The following HMGA2 variants were observed in gnomAD, a reference collection of about 807,000 sequenced individuals.
HMGA2 encodes the protein high mobility group protein HMGI-C.
A neutral mutation model predicts 19.1 loss-of-function variants in HMGA2; 8 were observed. The observed-to-expected ratio is 0.42, with a 90% CI of 0.25 to 0.76. The LOEUF (loss-of-function observed/expected upper bound fraction) is 0.76, where lower values mean the gene tolerates loss of function less well. Ranked by LOEUF, HMGA2 falls within the 30% of genes least tolerant of loss-of-function variation. The probability of loss-of-function intolerance (pLI) is 0.28; values close to 1 mark genes in which losing one functional copy is unlikely to be tolerated. For missense variants in HMGA2, 109 were observed against 136.3 expected, an observed-to-expected ratio of 0.80 and a Z score of 1.00; for synonymous variants, 60 against 48.8, an observed-to-expected ratio of 1.23 and a Z score of -0.96.
chr12:65,950,235 C>T (rs570971333), intron 3 of HMGA2, among the ~76,000 whole-genome samples: 1 of 152,232 alleles, frequency 6.6e-6, no homozygotes, highest in African/African-American at 2.4e-5. Flanking sequence ...AACATGTTCG[C>T]ACGAAAACGT....
At chr12:65,907,808 C>T (rs910500590) in intron 3 of HMGA2, among the ~76,000 whole-genome samples, 1 of 152,176 alleles carries the variant, frequency 6.6e-6, no homozygotes, top group East Asian at 1.9e-4. Flanking sequence ...GATTAAGCAG[C>T]TGCACTGGAT....
At chr12:65,895,771 T>A (rs1205893161) in intron 3 of HMGA2, among the ~76,000 whole-genome samples, 2 of 152,220 alleles carry the variant, frequency 1.3e-5, no homozygotes, top group Non-Finnish European at 2.9e-5. Flanking sequence ...GTTGTATGCA[T>A]ATTTGGATAA....
At position 65,898,872 on chromosome 12, in the gene HMGA2, G is replaced by A. The variant is rs555693678; in HGVS notation, c.250-52511G>A. On this transcript the variant is annotated intron_variant, in intron 3 of 4. Coordinates refer to ENST00000403681, the MANE Select transcript of HMGA2 (RefSeq NM_003483.6). ...ATCCTGGATAACACAGTGAAACTCC[G>A]TCTCTACTAAAAATACAAAAAATTA... Among the ~76,000 whole-genome samples the A allele has an allele frequency of 2.4e-4, 36 of 151,854 alleles. No individual in the cohort carries two copies. In the South Asian group the frequency reaches 6.3e-3, roughly 26 times the overall value.
intron 3 of HMGA2, among the ~76,000 whole-genome samples, chr12:65,927,858 TA>T (rs1241383042): frequency 6.7e-6 from 1 of 149,880 alleles, no homozygotes; most frequent in African/African-American, 2.4e-5. Context: ...TGTGTATATA[TA>T]TTTTTTATAT....
intron 3 of HMGA2, among the ~76,000 whole-genome samples, chr12:65,944,685 T>C (rs920099311): frequency 6.6e-6 from 1 of 152,196 alleles, no homozygotes; most frequent in African/African-American, 2.4e-5. Context: ...ATCTTGATTG[T>C]ATGGGATTAA....
chr12:65,960,450 T>G (rs928010299), intron 4 of HMGA2, among the ~76,000 whole-genome samples: 1 of 152,158 alleles, frequency 6.6e-6, no homozygotes, highest in Non-Finnish European at 1.5e-5. Context: ...AATGCACACT[T>G]GTCGTACAGA....
chr12:65,901,847 G>A (rs779571108), intron 3 of HMGA2, among the ~76,000 whole-genome samples: 1 of 151,774 alleles, frequency 6.6e-6, no homozygotes, highest in Non-Finnish European at 1.5e-5. Flanking sequence ...TTATTCGAAG[G>A]ACACAAGCAG....
intron 1 of HMGA2, 49 bp from the exon 2 acceptor site, chr12:65,827,952 C>A (rs117840626): frequency 0.014 from 18,938 of 1,323,280 alleles, 183 homozygotes; most frequent in Non-Finnish European, 0.016. Flanking sequence ...GGGTCAATTT[C>A]TTTCAGACAT....
chr12:65,898,389 A>G (rs902493354), intron 3 of HMGA2, among the ~76,000 whole-genome samples: 16 of 152,130 alleles, frequency 1.1e-4, no homozygotes, highest in African/African-American at 3.9e-4. Context: ...CAGATCTTTC[A>G]GAGACTTTTG....
At chr12:65,873,490 T>C (rs559611828) in intron 3 of HMGA2, among the ~76,000 whole-genome samples, 1 of 152,298 alleles carries the variant, frequency 6.6e-6, no homozygotes, top group South Asian at 2.1e-4. Flanking sequence ...ATAGTATTTA[T>C]TTTAGAAAAA....
At chr12:65,909,938 A>G (rs1325352803) in intron 3 of HMGA2, among the ~76,000 whole-genome samples, 1 of 152,214 alleles carries the variant, frequency 6.6e-6, no homozygotes, top group Non-Finnish European at 1.5e-5. Context: ...CTCTTAGGAG[A>G]TGGCTGCATG....
intron 3 of HMGA2, among the ~76,000 whole-genome samples, chr12:65,909,182 G>C (rs747585799): frequency 1.1e-4 from 17 of 152,148 alleles, no homozygotes; most frequent in Non-Finnish European, 2.4e-4. Context: ...CTGTTTGTAT[G>C]TAAGTCCCAT....
At chr12:65,960,855 C>A (rs1048303406) in intron 4 of HMGA2, among the ~76,000 whole-genome samples, 8 of 152,208 alleles carry the variant, frequency 5.3e-5, no homozygotes, top group African/African-American at 1.9e-4. Flanking sequence ...TGACCTACCA[C>A]CATTTTCATC....
At chr12:65,902,229 G>A (rs912523196) in intron 3 of HMGA2, among the ~76,000 whole-genome samples, 4 of 151,938 alleles carry the variant, frequency 2.6e-5, no homozygotes, top group African/African-American at 9.7e-5. Flanking sequence ...GAGAACTGAC[G>A]TGAATTTGTG....
intron 3 of HMGA2, among the ~76,000 whole-genome samples, chr12:65,937,108 C>A (rs1875924216): frequency 6.6e-6 from 1 of 152,158 alleles, no homozygotes; most frequent in Non-Finnish European, 1.5e-5. Flanking sequence ...TTACAAACAT[C>A]CTTCTTTTAT....
intron 3 of HMGA2, among the ~76,000 whole-genome samples, chr12:65,879,463 G>A (rs554225181): frequency 6.6e-6 from 1 of 152,222 alleles, no homozygotes; most frequent in Admixed American, 6.5e-5. Context: ...TATCAAATTT[G>A]AAACAAACTA....
chr12:65,849,651 A>T (rs1042006017), intron 3 of HMGA2, among the ~76,000 whole-genome samples: 2 of 151,470 alleles, frequency 1.3e-5, no homozygotes, highest in Admixed American at 1.3e-4. Flanking sequence ...GAGCTTAATG[A>T]CATTGTTTGG....
intron 3 of HMGA2, among the ~76,000 whole-genome samples, chr12:65,950,138 A>G (rs377333770): frequency 8.5e-5 from 13 of 152,362 alleles, no homozygotes; most frequent in South Asian, 6.2e-4. Flanking sequence ...TGCTTTAGAA[A>G]GCTGTCTGGC....
chr12:65,931,650 A>C (rs1467705182), intron 3 of HMGA2, among the ~76,000 whole-genome samples: 1 of 151,686 alleles, frequency 6.6e-6, no homozygotes, highest in African/African-American at 2.4e-5. Context: ...TTAGCATACA[A>C]ATTGCTGATT....
Sources: gnomAD v4.1 joint callset for allele counts (sites outside exome capture counted in the v4.1 genomes callset) on GRCh38, gnomAD v4.1.1 for gene constraint, MANE v1.5 for transcripts, NCBI Gene and HGNC (gene_info 2026-07-23, HGNC 2026-07-21) for gene names.